The following SMYD3 variants were observed in gnomAD, a reference collection of about 807,000 sequenced individuals.
SMYD3 encodes the protein SET and MYND domain containing 3.
SMYD3 carries 36 observed loss-of-function variants against 57.7 expected under a neutral mutation model. The ratio of observed to expected loss-of-function variants is 0.62; its 90% CI spans 0.48 to 0.82. SMYD3 has a LOEUF of 0.82. Among genes scored for constraint, SMYD3 ranks in the 40% least tolerant of loss-of-function variants. SMYD3 has a pLI of 0.00. For synonymous variants in SMYD3, 211 were observed against 195.0 expected (o/e 1.08, Z -0.68); for missense variants, 515 against 538.8 (o/e 0.96, Z 0.44).
At chr1:246,226,010 C>T (rs2063325161) in intron 5 of SMYD3, among the ~76,000 whole-genome samples, 2 of 152,124 alleles carry the variant, frequency 1.3e-5, no homozygotes, top group Admixed American at 1.3e-4. Context: ...GATCTAGTCA[C>T]CTTTGACAAG....
At chr1:246,017,927 T>G (rs978518783) in intron 5 of SMYD3, among the ~76,000 whole-genome samples, 1 of 152,214 alleles carries the variant, frequency 6.6e-6, no homozygotes, top group African/African-American at 2.4e-5. Context: ...TATGTCCTTC[T>G]GCTATATCCT....
chr1:246,274,065 C>G (rs1003269750), intron 5 of SMYD3, among the ~76,000 whole-genome samples: 3 of 152,134 alleles, frequency 2.0e-5, no homozygotes, highest in Admixed American at 6.6e-5. Context: ...ACCTATCGAT[C>G]ATGTCATACT....
At chr1:246,459,962 T>C (rs1389383362) in intron 1 of SMYD3, among the ~76,000 whole-genome samples, 2 of 132,916 alleles carry the variant, frequency 1.5e-5, no homozygotes, top group Non-Finnish European at 3.3e-5. Context: ...GAAGCAGGGA[T>C]GAAAAAACAC....
chr1:245,824,324 G>A (rs2049347996), intron 10 of SMYD3, among the ~76,000 whole-genome samples: 1 of 152,210 alleles, frequency 6.6e-6, no homozygotes, highest in African/African-American at 2.4e-5. Flanking sequence ...CCCACTAAAG[G>A]TTAGCTGTAT....
intron 1 of SMYD3, among the ~76,000 whole-genome samples, chr1:246,431,855 T>C (rs1318334706): frequency 6.6e-6 from 1 of 152,242 alleles, no homozygotes; most frequent in Non-Finnish European, 1.5e-5. Flanking sequence ...TCATTTTGAC[T>C]CAATTCTTTT....
At chr1:245,807,828 C>CA (rs965204973) in intron 10 of SMYD3, among the ~76,000 whole-genome samples, 8 of 136,184 alleles carry the variant, frequency 5.9e-5, no homozygotes, top group African/African-American at 1.9e-4. Context: ...AAAAAAAAAA[C>CA]AAAAAACAAA....
chr1:246,011,806 A>G (rs191066530), intron 5 of SMYD3, among the ~76,000 whole-genome samples: 20 of 152,344 alleles, frequency 1.3e-4, no homozygotes, highest in Non-Finnish European at 2.5e-4. Context: ...TGCTAAGTTT[A>G]CGCTTGCTCC....
intron 2 of SMYD3, among the ~76,000 whole-genome samples, chr1:246,340,996 A>T (rs76927168): frequency 5.6e-5 from 8 of 141,744 alleles, no homozygotes; most frequent in African/African-American, 1.6e-4. Flanking sequence ...TCTCAGGGGG[A>T]AAAAAAAAAG....
intron 11 of SMYD3, among the ~76,000 whole-genome samples, chr1:245,762,025 TC>T (rs1303587140): frequency 6.6e-6 from 1 of 152,146 alleles, no homozygotes; most frequent in Admixed American, 6.5e-5. Context: ...CCTCAGGTGA[TC>T]CTCCTGCCTC....
chr1:246,456,940 C>A (rs952856079), intron 1 of SMYD3, among the ~76,000 whole-genome samples: 4 of 152,152 alleles, frequency 2.6e-5, no homozygotes, highest in Non-Finnish European at 4.4e-5. Flanking sequence ...CAGACTAATC[C>A]AAATCTGGCT....
intron 5 of SMYD3, among the ~76,000 whole-genome samples, chr1:246,239,471 C>T (rs988461139): frequency 7.9e-5 from 12 of 152,176 alleles, no homozygotes; most frequent in African/African-American, 2.9e-4. Context: ...CGTATATGTG[C>T]CACATTTTCT....
intron 1 of SMYD3, among the ~76,000 whole-genome samples, chr1:246,370,872 T>G (rs1395487950): frequency 6.6e-6 from 1 of 152,202 alleles, no homozygotes; most frequent in Admixed American, 6.5e-5. Flanking sequence ...TTTTGACTAG[T>G]ATCCTAAGTA....
chr1:246,233,710 T>C, intron 5 of SMYD3, among the ~76,000 whole-genome samples: 1 of 136,150 alleles, frequency 7.3e-6, no homozygotes, highest in Admixed American at 7.2e-5. Context: ...GATGAACATA[T>C]ACCACACAGA....
At chr1:245,985,088 T>C (rs1421543721) in intron 5 of SMYD3, among the ~76,000 whole-genome samples, 1 of 152,136 alleles carries the variant, frequency 6.6e-6, no homozygotes, top group East Asian at 1.9e-4. Context: ...TTGGATTTTA[T>C]AACCTCTCCC....
At chr1:246,330,929 G>A (rs1424833707) in intron 3 of SMYD3, among the ~76,000 whole-genome samples, 1 of 152,164 alleles carries the variant, frequency 6.6e-6, no homozygotes, top group Non-Finnish European at 1.5e-5. Context: ...TAGCCCAGGA[G>A]TTCAAGGCCA....
intron 5 of SMYD3, among the ~76,000 whole-genome samples, chr1:246,094,511 T>C (rs1340344137): frequency 6.6e-6 from 1 of 152,214 alleles, no homozygotes; most frequent in Non-Finnish European, 1.5e-5. Flanking sequence ...ATCTGGATAC[T>C]TGGGGCTCTC....
intron 5 of SMYD3, among the ~76,000 whole-genome samples, chr1:245,984,073 C>T (rs1251811689): frequency 6.7e-6 from 1 of 149,930 alleles, no homozygotes; most frequent in Non-Finnish European, 1.5e-5. Flanking sequence ...GGTCTCGGCT[C>T]ACTGCAACCT....
chr1:245,830,205 G>C (rs745842852), intron 10 of SMYD3, among the ~76,000 whole-genome samples: 1 of 152,186 alleles, frequency 6.6e-6, no homozygotes, highest in Non-Finnish European at 1.5e-5. Flanking sequence ...TTCTCATGCT[G>C]CTAATAAAGA....
At chr1:246,111,676 C>T (rs2147985166) in intron 5 of SMYD3, 1 of 152,370 alleles carries the variant, frequency 6.6e-6, no homozygotes, top group East Asian at 1.9e-4. Context: ...CCTCAAATAA[C>T]CAAAACGGTG....
Sources: allele counts gnomAD v4.1 joint callset (sites outside exome capture counted in the v4.1 genomes callset), GRCh38; gene constraint gnomAD v4.1.1; transcripts MANE v1.5; gene names NCBI Gene and HGNC (gene_info 2026-07-23, HGNC 2026-07-21).